Variants in DPP6 observed in about 807,000 individuals in gnomAD.
The protein encoded by DPP6 is A-type potassium channel modulatory protein DPP6.
A neutral mutation model predicts 122.6 loss-of-function variants in DPP6; 69 were observed. That is an observed-to-expected ratio of 0.56 (90% CI 0.46 to 0.69). The LOEUF (loss-of-function observed/expected upper bound fraction) is 0.69. DPP6 is among the 30% of genes least tolerant of loss of function. The pLI, the probability that DPP6 is intolerant of heterozygous loss-of-function variation, is 0.00. For missense variants in DPP6, 928 were observed against 1,116.9 expected, an observed-to-expected ratio of 0.83 and a Z score of 2.41; for synonymous variants, 418 against 433.1, an observed-to-expected ratio of 0.97 and a Z score of 0.43.
At chr7:153,777,336 G>A in the DPP6 span, among the ~76,000 whole-genome samples, 1 of 150,874 alleles carries the variant, frequency 6.6e-6, no homozygotes, top group Non-Finnish European at 1.5e-5. Context: ...AGAACTTTCT[G>A]ATAATGTTAA....
At chr7:154,561,329 C>T (rs542525529) in intron 4 of DPP6, among the ~76,000 whole-genome samples, 9 of 152,190 alleles carry the variant, frequency 5.9e-5, no homozygotes, top group Admixed American at 1.3e-4. Context: ...AAACATTCAC[C>T]AGAGTAGACT....
chr7:154,699,249 T>C (rs961496594), intron 7 of DPP6, among the ~76,000 whole-genome samples: 3 of 152,188 alleles, frequency 2.0e-5, no homozygotes, highest in African/African-American at 7.2e-5. Flanking sequence ...ATTAGGACTG[T>C]ATACAAAAAG....
chr7:154,492,182 A>T (rs188054252), intron 3 of DPP6, among the ~76,000 whole-genome samples: 3 of 152,340 alleles, frequency 2.0e-5, no homozygotes, highest in Admixed American at 2.0e-4. Context: ...TTAAATGTTA[A>T]AAGCCATCGC....
chr7:153,785,893 GTTT>G, the DPP6 span, among the ~76,000 whole-genome samples: 1 of 145,912 alleles, frequency 6.9e-6, no homozygotes, highest in African/African-American at 2.5e-5. Flanking sequence ...TTTTAAAACT[GTTT>G]TTTTTTTTTC....
At chr7:154,685,294 G>A (rs1017567436) in intron 7 of DPP6, among the ~76,000 whole-genome samples, 4 of 152,334 alleles carry the variant, frequency 2.6e-5, no homozygotes, top group South Asian at 2.1e-4. Flanking sequence ...CGGTTCAACA[G>A]CCTGGTACAC....
chr7:154,350,155 AG>A (rs1810728252), intron 1 of DPP6, among the ~76,000 whole-genome samples: 1 of 152,222 alleles, frequency 6.6e-6, no homozygotes, highest in Admixed American at 6.5e-5. Flanking sequence ...AATGTGGAGA[AG>A]ACTTCACCCT....
chr7:153,789,937 T>C, the DPP6 span, among the ~76,000 whole-genome samples: 67,199 of 151,804 alleles, frequency 0.44, 15,115 homozygotes, highest in South Asian at 0.54. Flanking sequence ...AATACAGGAG[T>C]ATCTAGAGAA....
At chr7:154,147,821 A>G (rs1229778779) in intron 1 of DPP6, among the ~76,000 whole-genome samples, 5,782 of 143,928 alleles carry the variant, frequency 0.04, no homozygotes, top group African/African-American at 0.15. Context: ...TGGGATTACA[A>G]GTGTGAGCCG....
intron 1 of DPP6, among the ~76,000 whole-genome samples, chr7:154,430,014 C>T (rs573631638): frequency 9.2e-5 from 14 of 152,248 alleles, no homozygotes; most frequent in East Asian, 1.9e-4. Flanking sequence ...AAGAGTCAGA[C>T]GGCAAGTTTC....
At chr7:154,417,318 T>C (rs1817110327) in intron 1 of DPP6, among the ~76,000 whole-genome samples, 1 of 152,092 alleles carries the variant, frequency 6.6e-6, no homozygotes, top group Admixed American at 6.6e-5. Context: ...AATGTAGTTT[T>C]TGTTGCAGTA....
the DPP6 span, among the ~76,000 whole-genome samples, chr7:153,815,061 G>T: frequency 6.6e-6 from 1 of 152,082 alleles, no homozygotes; most frequent in Non-Finnish European, 1.5e-5. Context: ...GACAGGGATG[G>T]CCTCTCTCAC....
intron 4 of DPP6, among the ~76,000 whole-genome samples, chr7:154,563,139 C>T (rs1830533765): frequency 6.6e-6 from 1 of 152,162 alleles, no homozygotes. Context: ...GAAGGCCTCA[C>T]TTAGAAGGTG....
chr7:154,098,501 G>A (rs911380435), intron 1 of DPP6, among the ~76,000 whole-genome samples: 3 of 152,098 alleles, frequency 2.0e-5, no homozygotes. Context: ...TCAGGTCTAG[G>A]CAGGTAATTA....
rs751777470 is a variant in DPP6, at chr7:154,872,685, C to T, written c.1875C>T (p.Leu625=). The T allele has an allele frequency of 6.3e-7, 1 of 1,596,624 alleles. No individual in the cohort carries two copies. Among genetic ancestry groups the T allele is most frequent in the South Asian group, 1.1e-5 (1 of 87,440 alleles). The stretch of plus-strand genomic sequence containing the variant: ...CCGACACCACCCACTACCCTCTGCT[C>T]CTGGTGGTGTAAGTATCGTCACATC... ...TFTDTTHYPL[L]LVVDGTPGSQ... The change falls in exon 19 of 26, where the codon CTC becomes CTT. Residue 625 remains leucine (L), a synonymous_variant. Transcript: ENST00000377770.
At chr7:153,976,587 A>G (rs1796316247) in intron 1 of DPP6, among the ~76,000 whole-genome samples, 1 of 152,254 alleles carries the variant, frequency 6.6e-6, no homozygotes, top group Admixed American at 6.5e-5. Context: ...ATTGAAACAT[A>G]CTGAGAAATA....
At chr7:154,598,956 A>G (rs539092649) in intron 5 of DPP6, among the ~76,000 whole-genome samples, 1 of 152,232 alleles carries the variant, frequency 6.6e-6, no homozygotes, top group African/African-American at 2.4e-5. Flanking sequence ...AAGGGGGCCA[A>G]ATGGTATAGA....
chr7:154,748,928 C>T (rs1587011909), intron 8 of DPP6, among the ~76,000 whole-genome samples: 1 of 152,242 alleles, frequency 6.6e-6, no homozygotes, highest in East Asian at 1.9e-4. Flanking sequence ...AAGAGCGCGA[C>T]CCATTCGGAA....
intron 3 of DPP6, among the ~76,000 whole-genome samples, chr7:154,516,402 A>C (rs576429630): frequency 4.5e-4 from 68 of 152,302 alleles, no homozygotes; most frequent in African/African-American, 1.3e-3. Context: ...TGCTACTGAA[A>C]GGAGAATGAG....
At chr7:154,074,003 G>A (rs1209733839) in intron 1 of DPP6, among the ~76,000 whole-genome samples, 4 of 111,726 alleles carry the variant, frequency 3.6e-5, no homozygotes, top group Admixed American at 8.6e-5. Flanking sequence ...ATATATCTAT[G>A]TATGTATGTA....
Sources: allele counts gnomAD v4.1 joint callset (sites outside exome capture counted in the v4.1 genomes callset), GRCh38; gene constraint gnomAD v4.1.1; transcripts MANE v1.5; gene names NCBI Gene and HGNC (gene_info 2026-07-23, HGNC 2026-07-21).